TIMM50: variants seen among roughly 807,000 people sequenced by gnomAD.
TIMM50 encodes translocase of inner mitochondrial membrane 50.
Under a neutral mutation model 49.6 loss-of-function variants are expected in TIMM50, and 34 were observed. The observed-to-expected ratio is 0.69, with a 90% CI of 0.52 to 0.91. The LOEUF is 0.91. Among genes scored for constraint, TIMM50 ranks in the 40% least tolerant of loss-of-function variants. The pLI is 0.00. For missense variants in TIMM50, 458 were observed against 477.8 expected (o/e 0.96, Z 0.39); for synonymous variants, 199 against 198.4 (o/e 1.00, Z -0.03).
rs1471271601 is a variant in TIMM50 at position 39,490,433 on chromosome 19, ATG to A, written c.*616_*617del. 6.7e-6 allele frequency: 1 copy of A among 150,314 alleles called. No individual in the cohort carries two copies. The highest frequency in any genetic ancestry group is 2.5e-5 in the African/African-American group (1 of 40,508). The allele number at this position is 150,314 out of a possible 1,614,324, so 9.3% of individuals were successfully genotyped here. The stretch of plus-strand genomic sequence containing the variant: ...CTGTTGCCCAGGCTGGAGTGCATTG[ATG>A]TGATCTTAGCTTACAACAGCCTTGA... On this transcript the variant is annotated 3_prime_UTR_variant, in exon 11 of 11. Coordinates refer to ENST00000607714, the MANE Select transcript of TIMM50 (RefSeq NM_001001563.5).
At position 39,482,659 on chromosome 19, in the gene TIMM50, CA is replaced by C. The variant is rs202217358; in HGVS notation, c.260-209del. ...TGGGCAACAGAGCGAGACTCTGTCT[CA>C]AAAAAAAAAAAAAAAATCCCACAGA... On this transcript the variant is annotated intron_variant, in intron 2 of 10. Transcript: ENST00000607714. Among the ~76,000 whole-genome samples, 23,761 of 125,252 alleles carry C rather than the reference CA, an allele frequency of 0.19. 2,027 individuals are homozygous for C. The highest frequency in any genetic ancestry group is 0.38 in the East Asian group (1,691 of 4,472). 82.2% of individuals were successfully genotyped at this position (125,252 alleles called of 152,430 possible). A position where few individuals can be genotyped will look rare whatever the true frequency, so the allele number is the denominator to read the frequency against.
rs2079559801 is a variant in TIMM50 at position 39,493,215 on chromosome 19, CT to C, written c.*3397del. ...TCCCAAAATCCTTGGTCCTTCCCAG[CT>C]TGAGGAAGTCTGCAGGACTGAGGGA... On this transcript the variant is annotated 3_prime_UTR_variant, in exon 11 of 11. Coordinates refer to ENST00000607714, the MANE Select transcript of TIMM50 (RefSeq NM_001001563.5). The C allele has an allele frequency of 6.6e-6, 1 of 151,914 alleles. No individual in the cohort carries two copies. The highest frequency in any genetic ancestry group is 1.5e-5 in the Non-Finnish European group (1 of 67,990). 9.4% of individuals were successfully genotyped at this position (151,914 alleles called of 1,614,324 possible). A position where few individuals can be genotyped will look rare whatever the true frequency, so the allele number is the denominator to read the frequency against.
Position 39,493,144 on chromosome 19 carries a change from G to A in TIMM50, c.*3324G>A, listed in dbSNP as rs1469765315. 2 of 151,364 alleles carry A rather than the reference G, an allele frequency of 1.3e-5. No homozygotes were observed. Among genetic ancestry groups the A allele is most frequent in the Non-Finnish European group, 2.9e-5 (2 of 67,924 alleles). 9.4% of individuals were successfully genotyped at this position (151,364 alleles called of 1,614,324 possible). Reference sequence around the variant, plus strand: ...AAAGGATAATTAAAATTTACACCATGACTCTTTGTCCTGGGGTGCACTGTC... The same window carrying A: ...AAAGGATAATTAAAATTTACACCATAACTCTTTGTCCTGGGGTGCACTGTC... On this transcript the variant is annotated 3_prime_UTR_variant, in exon 11 of 11. Coordinates refer to ENST00000607714, the MANE Select transcript of TIMM50 (RefSeq NM_001001563.5).
In TIMM50 at chr19:39,480,946, C is replaced by G; in HGVS notation, c.93C>G (p.Arg31=). 3 of 1,584,908 alleles carry G rather than the reference C, an allele frequency of 1.9e-6. No individual in the cohort carries two copies. The highest frequency in any genetic ancestry group is 2.6e-6 in the Non-Finnish European group (3 of 1,173,702). Residue 31 remains arginine (R), a synonymous_variant, in exon 1 of 11, where the codon CGC becomes CGG. Transcript: ENST00000607714. ...GCACGAGGTTGGCGACGCCGCCCCGCCGGGCCCCAGATCAGGTGAGCGGAA... is the reference window on the plus strand; with the variant it reads ...GCACGAGGTTGGCGACGCCGCCCCGGCGGGCCCCAGATCAGGTGAGCGGAA... ...GLCTRLATPP[R]RAPDQAAEIG...
At position 39,486,561 on chromosome 19, in the gene TIMM50, GC is replaced by G. The variant is rs2146157733; in HGVS notation, c.696+69del. ...GTTGGCACCACCTGAGGGAAGGAGG[GC>G]CCAGCTCTGACCCTAGCCTCACCTG... On this transcript the variant is annotated intron_variant, in intron 8 of 10. Coordinates refer to ENST00000607714, the MANE Select transcript of TIMM50 (RefSeq NM_001001563.5). 8 of 1,421,722 alleles carry G rather than the reference GC, an allele frequency of 5.6e-6. No individual in the cohort carries two copies. The South Asian group carries it at 9.2e-5, about 16-fold the overall frequency. The allele number at this position is 1,421,722 out of a possible 1,614,324, so 88.1% of individuals were successfully genotyped here.
At chr19:39,487,472 T>G (rs183961405) in intron 8 of TIMM50, among the ~76,000 whole-genome samples, 21 of 152,194 alleles carry the variant, frequency 1.4e-4, no homozygotes, top group African/African-American at 5.1e-4. Flanking sequence ...TTTATTTTTT[T>G]TGTGAGACGG....
At chr19:39,482,978 C>T (rs1568440829) in intron 3 of TIMM50, 62 bp downstream of exon 3, 2 of 1,613,148 alleles carry the variant, frequency 1.2e-6, no homozygotes, top group Non-Finnish European at 1.7e-6. Flanking sequence ...GAGGGGTCCC[C>T]TTTGGTCTGT....
chr19:39,488,177 T>G lies in TIMM50; in HGVS notation c.813T>G (p.Ser271=), dbSNP rs748549643. Residue 271 remains serine (S), a synonymous_variant, in exon 9 of 11, where the codon TCT becomes TCG. Transcript: ENST00000607714. ...GVALRPWDGN[S]DDRVLLDLSA... The stretch of plus-strand genomic sequence containing the variant: ...CCCTGCGGCCCTGGGACGGCAACTC[T>G]GATGACCGGGTCTTGTTGGATCTGT... 5 of 1,613,974 alleles carry G rather than the reference T, an allele frequency of 3.1e-6. No individual in the cohort carries two copies. The South Asian group carries it at 5.5e-5, about 18-fold the overall frequency.
intron 10 of TIMM50, 48 bp from the exon 11 acceptor site, chr19:39,489,671 C>T (rs1209271446): frequency 1.3e-6 from 2 of 1,529,050 alleles, no homozygotes; most frequent in Non-Finnish European, 1.8e-6. Context: ...GGAGGAGGCT[C>T]TGTCCACCTT....
rs1332422520 is a variant in TIMM50, at chr19:39,486,292, G to A, written c.597+1G>A. The A allele has an allele frequency of 2.5e-6, 4 of 1,614,006 alleles. No individual in the cohort carries two copies. The highest frequency in any genetic ancestry group is 3.4e-6 in the Non-Finnish European group (4 of 1,180,008). On this transcript the variant is annotated splice_donor_variant, in intron 7 of 10. Transcript: ENST00000607714. LOFTEE classifies it high-confidence loss of function. ...CATCTTTACGTCAGAGACTGGCATG[G>A]TGAGGCTCTGGGGCAGGGGAGGGAA...
chr19:39,487,780 C>T (rs866433366), intron 8 of TIMM50, among the ~76,000 whole-genome samples: 10 of 151,998 alleles, frequency 6.6e-5, no homozygotes, highest in Admixed American at 1.3e-4. Context: ...TTAGTAGATA[C>T]GGGGTTTCAC....
At position 39,480,852 on chromosome 19, in the gene TIMM50, AG is replaced by A; in HGVS notation, c.-1del. On this transcript the variant is annotated 5_prime_UTR_variant, in exon 1 of 11. Coordinates refer to ENST00000607714, the MANE Select transcript of TIMM50 (RefSeq NM_001001563.5). ...GGCGGGGCCGCGTGGCGTCAGCGCAAGATGGCGGCCTCGGCAGCGGTGTTCT... is the reference window on the plus strand; with the variant it reads ...GGCGGGGCCGCGTGGCGTCAGCGCAAATGGCGGCCTCGGCAGCGGTGTTCT... 6.3e-7 allele frequency: 1 copy of A among 1,596,410 alleles called. No homozygotes were observed. Among genetic ancestry groups the A allele is most frequent in the Non-Finnish European group, 8.5e-7 (1 of 1,172,656 alleles).
chr19:39,483,383 C>G (rs759422473), intron 4 of TIMM50: 5 of 587,942 alleles, frequency 8.5e-6, no homozygotes, highest in Non-Finnish European at 1.5e-5. Context: ...GGGATTGGAG[C>G]CTTGGGTGGG....
At chr19:39,481,159 AC>A in intron 1 of TIMM50, 198 bp downstream of exon 1, 1 of 676,564 alleles carries the variant, frequency 1.5e-6, no homozygotes, top group Non-Finnish European at 2.3e-6. Flanking sequence ...GTGTCCTTAG[AC>A]CCCACCTCCC....
intron 2 of TIMM50, among the ~76,000 whole-genome samples, 173 bp from the exon 3 acceptor site, chr19:39,482,712 T>C (rs935155549): frequency 8.6e-5 from 13 of 151,086 alleles, no homozygotes; most frequent in Admixed American, 5.9e-4. Flanking sequence ...CCAGCCCCAT[T>C]TCTCTCAAAG....
chr19:39,489,690 C>G, intron 10 of TIMM50, 29 bp from the exon 11 acceptor site: 1 of 1,576,986 alleles, frequency 6.3e-7, no homozygotes, highest in African/African-American at 1.3e-5. Flanking sequence ...TTGCGCTGAC[C>G]CTCTCCTCCA....
Position 39,489,800 on chromosome 19 carries a change from C to T in TIMM50, c.1042C>T (p.Pro348Ser), listed in dbSNP as rs149462184. ...FLGSLTSRLW[P>S]RSKQP Reference sequence around the variant, plus strand: ...TGGCTCCCTCACCAGCCGCTTGTGGCCTCGCTCCAAACAGCCCTGAACTCT... The same window carrying T: ...TGGCTCCCTCACCAGCCGCTTGTGGTCTCGCTCCAAACAGCCCTGAACTCT... Residue 348 changes from proline (P) to serine (S), a missense_variant, in exon 11 of 11, where the codon CCT becomes TCT. By Grantham distance (74) the Pro-to-Ser change is moderately conservative. Coordinates refer to ENST00000607714, the MANE Select transcript of TIMM50 (RefSeq NM_001001563.5). 207 of 1,610,100 alleles carry T rather than the reference C, an allele frequency of 1.3e-4. 1 individual carries two copies. In the African/African-American group the frequency reaches 2.6e-3, roughly 20 times the overall value.
intron 8 of TIMM50, 56 bp from the exon 9 acceptor site, chr19:39,488,005 C>T: frequency 1.3e-6 from 2 of 1,566,248 alleles, no homozygotes; most frequent in Non-Finnish European, 1.7e-6. Context: ...TTTGGGTCTT[C>T]TTGATGGGGG....
At chr19:39,481,225 C>T (rs2079469181) in intron 1 of TIMM50, 1 of 534,506 alleles carries the variant, frequency 1.9e-6, no homozygotes, top group South Asian at 2.6e-5. Flanking sequence ...TCAGTGACCA[C>T]TCAGGTGATA....
Sources: gnomAD v4.1 joint callset for allele counts (sites outside exome capture counted in the v4.1 genomes callset) on GRCh38, gnomAD v4.1.1 for gene constraint, MANE v1.5 for transcripts, NCBI Gene and HGNC (gene_info 2026-07-23, HGNC 2026-07-21) for gene names.